INTS4: variants seen among roughly 807,000 people sequenced by gnomAD.
INTS4 encodes integrator complex subunit 4, also known as MSTP093.
INTS4 carries 70 observed loss-of-function variants against 119.5 expected under a neutral mutation model. The ratio of observed to expected loss-of-function variants is 0.59; its 90% CI spans 0.48 to 0.71. INTS4 has a LOEUF of 0.71. Ranked by LOEUF, INTS4 falls within the 30% of genes least tolerant of loss-of-function variation. The pLI is 0.00. For missense variants in INTS4, 867 were observed against 1,173.2 expected (o/e 0.74, Z 3.81); for synonymous variants, 316 against 419.6 (o/e 0.75, Z 3.02).
chr11:77,978,546 T>C (rs1293001994), intron 4 of INTS4: 2 of 152,508 alleles, frequency 1.3e-5, no homozygotes, highest in East Asian at 1.9e-4. Flanking sequence ...TTGTGTATAG[T>C]TGGTCTGTTT....
intron 18 of INTS4, chr11:77,900,551 C>CTTT (rs111879239): frequency 3.6e-5 from 20 of 560,460 alleles, no homozygotes; most frequent in South Asian, 1.0e-4. Flanking sequence ...CTCTATGGCA[C>CTTT]TTTTTTTTTT....
At position 77,903,554 on chromosome 11, in the gene INTS4, C is replaced by T. The variant is rs1952844639; in HGVS notation, c.2083G>A (p.Ala695Thr). The T allele has an allele frequency of 6.2e-7, 1 of 1,613,788 alleles. No individual in the cohort carries two copies. The change falls in exon 17 of 23, where the codon GCA (alanine) becomes ACA (threonine). Residue 695 changes from alanine to threonine, a missense_variant. Ala to Thr is a moderately conservative substitution (Grantham distance 58, BLOSUM62 0). Coordinates refer to ENST00000534064, the MANE Select transcript of INTS4 (RefSeq NM_033547.4). ...LYLKQSDLAS[A>T]AAKQIMEETY... ...AATAAGCTTACCTGTTTCGCTGCTG[C>T]TGAGGCCAAATCACTCTGCTTCAAA...
chr11:77,960,324 G>T lies in INTS4; in HGVS notation c.708+17C>A. 6.3e-7 allele frequency: 1 copy of T among 1,578,298 alleles called. No individual in the cohort carries two copies. Among genetic ancestry groups the T allele is most frequent in the Non-Finnish European group, 8.7e-7 (1 of 1,150,094 alleles). Reference sequence around the variant, plus strand: ...TGATACCTCCAACCCCTTCCAGACAGTAATCATATAAGGTACCTGATTATA... The same window carrying T: ...TGATACCTCCAACCCCTTCCAGACATTAATCATATAAGGTACCTGATTATA... On this transcript the variant is annotated intron_variant, in intron 6 of 22. Coordinates refer to ENST00000534064, the MANE Select transcript of INTS4 (RefSeq NM_033547.4).
intron 1 of INTS4, among the ~76,000 whole-genome samples, chr11:77,991,991 AT>A (rs1016231724): frequency 6.6e-6 from 1 of 151,976 alleles, no homozygotes; most frequent in African/African-American, 2.4e-5. Flanking sequence ...CACATGGCTA[AT>A]TTTTGTATTT....
chr11:77,881,828 A>G (rs1008115405), intron 22 of INTS4, among the ~76,000 whole-genome samples: 2 of 152,190 alleles, frequency 1.3e-5, no homozygotes, highest in African/African-American at 2.4e-5. Flanking sequence ...CGCACTATAT[A>G]TAAACAATTA....
At chr11:77,987,161 T>C (rs1856490584) in intron 2 of INTS4, 1 of 152,216 alleles carries the variant, frequency 6.6e-6, no homozygotes. Flanking sequence ...ATGATAATTT[T>C]TGAAGCCAGG....
intron 2 of INTS4, 129 bp from the exon 3 acceptor site, chr11:77,981,705 A>T: frequency 2.4e-6 from 1 of 419,212 alleles, no homozygotes; most frequent in Admixed American, 3.7e-5. Context: ...TTTCTGAAAA[A>T]TTAATTTTAT....
chr11:77,979,729 C>T (rs915011333), intron 3 of INTS4, among the ~76,000 whole-genome samples: 1 of 151,054 alleles, frequency 6.6e-6, no homozygotes, highest in African/African-American at 2.4e-5. Context: ...CCTGTAATCC[C>T]AGCACTTTGG....
At position 77,916,693 on chromosome 11, in the gene INTS4, G is replaced by A. The variant is rs1156737440; in HGVS notation, c.1922+2128C>T. Among the ~76,000 whole-genome samples the A allele has an allele frequency of 2.6e-5, 4 of 152,190 alleles. 1 individual carries two copies. The South Asian group carries it at 6.2e-4, about 24-fold the overall frequency. On this transcript the variant is annotated intron_variant, in intron 15 of 22. Coordinates refer to ENST00000534064, the MANE Select transcript of INTS4 (RefSeq NM_033547.4). The stretch of plus-strand genomic sequence containing the variant: ...GAACTGTCTTCTGCACATGGACTAC[G>A]AAACTGACATGCTCAGTTATCATTT...
At position 77,898,437 on chromosome 11, in the gene INTS4, C is replaced by T. The variant is rs149427267; in HGVS notation, c.2228+2984G>A. ...TTGGACTCCCAAAGTGATGGGATTA[C>T]AGGCGTGAGCCACTGCGCCCGGCCA... On this transcript the variant is annotated intron_variant, in intron 18 of 22. Transcript: ENST00000534064. 6.2e-3 allele frequency among the ~76,000 whole-genome samples: 946 copies of T among 152,308 alleles called. 6 individuals are homozygous for T. The highest frequency in any genetic ancestry group is 0.021 in the African/African-American group (867 of 41,576).
intron 7 of INTS4, among the ~76,000 whole-genome samples, chr11:77,957,771 C>A (rs1260115335): frequency 6.8e-6 from 1 of 147,730 alleles, no homozygotes; most frequent in East Asian, 2.0e-4. Context: ...CAGGTTCAAG[C>A]GATTCTCCTG....
At chr11:77,991,347 T>C (rs1381614916) in intron 1 of INTS4, 48 bp from the exon 2 acceptor site, 1 of 1,431,606 alleles carries the variant, frequency 7.0e-7, no homozygotes, top group East Asian at 2.3e-5. Flanking sequence ...CAAATTTAAC[T>C]TTGCCTCATT....
At chr11:77,975,848 C>A (rs1446717772) in intron 4 of INTS4, among the ~76,000 whole-genome samples, 1 of 151,678 alleles carries the variant, frequency 6.6e-6, no homozygotes, top group African/African-American at 2.4e-5. Context: ...CCCAGCTACT[C>A]GGGAGGCTGA....
intron 18 of INTS4, among the ~76,000 whole-genome samples, chr11:77,894,986 T>A (rs917484690): frequency 1.3e-5 from 2 of 152,236 alleles, no homozygotes; most frequent in African/African-American, 4.8e-5. Context: ...CCAAGAAACA[T>A]ACCTAAAAAG....
intron 22 of INTS4, among the ~76,000 whole-genome samples, chr11:77,881,198 T>C (rs1360133599): frequency 6.6e-6 from 1 of 152,220 alleles, no homozygotes; most frequent in Non-Finnish European, 1.5e-5. Flanking sequence ...AGCAGGTTTA[T>C]ATTCTTATTC....
chr11:77,897,372 T>C (rs1952569596), intron 18 of INTS4, among the ~76,000 whole-genome samples: 1 of 151,136 alleles, frequency 6.6e-6, no homozygotes, highest in Non-Finnish European at 1.5e-5. Flanking sequence ...AAATTAAAAA[T>C]AAAAATAAAG....
At chr11:77,906,793 A>G (rs539607535) in intron 16 of INTS4, among the ~76,000 whole-genome samples, 30 of 152,330 alleles carry the variant, frequency 2.0e-4, no homozygotes, top group Non-Finnish European at 4.0e-4. Flanking sequence ...GCCAAACATC[A>G]TTAATCACTT....
intron 9 of INTS4, among the ~76,000 whole-genome samples, chr11:77,940,759 C>T (rs570040332): frequency 5.2e-4 from 79 of 152,236 alleles, no homozygotes; most frequent in Middle Eastern, 3.4e-3. Flanking sequence ...GCCTCAGTCA[C>T]CCAAGTAGCT....
At chr11:77,879,148 A>G (rs1565218214) in intron 22 of INTS4, 21 bp from the exon 23 acceptor site, 1 of 1,613,284 alleles carries the variant, frequency 6.2e-7, no homozygotes, top group Non-Finnish European at 8.5e-7. Flanking sequence ...GATAAAAGAA[A>G]TCCTCTATAA....
Sources: gnomAD v4.1 joint callset for allele counts (sites outside exome capture counted in the v4.1 genomes callset) on GRCh38, gnomAD v4.1.1 for gene constraint, MANE v1.5 for transcripts, NCBI Gene and HGNC (gene_info 2026-07-23, HGNC 2026-07-21) for gene names.